Variants in PCDH11X observed in about 807,000 individuals in gnomAD.
PCDH11X encodes the protein protocadherin-11 X-linked.
Under a neutral mutation model 53.3 loss-of-function variants are expected in PCDH11X, and 18 were observed. The observed-to-expected ratio is 0.34, with a 90% confidence interval of 0.23 to 0.50. The LOEUF (loss-of-function observed/expected upper bound fraction) is 0.50, where lower values mean the gene tolerates loss of function less well. PCDH11X is among the 20% of genes least tolerant of loss of function. The probability of loss-of-function intolerance (pLI) is 0.98; values close to 1 mark genes in which losing one functional copy is unlikely to be tolerated. For synonymous variants in PCDH11X, 279 were observed against 393.3 expected, an observed-to-expected ratio of 0.71 and a Z score of 3.44; for missense variants, 570 against 1,032.4, an observed-to-expected ratio of 0.55 and a Z score of 6.14.
chrX:91,925,627 TGAA>T (rs1259991679), intron 6 of PCDH11X, among the ~76,000 whole-genome samples: 1 of 110,810 alleles, frequency 9.0e-6, no homozygotes, highest in Non-Finnish European at 1.9e-5. Context: ...CTATGATAAT[TGAA>T]GAATGTTAAA....
intron 5 of PCDH11X, among the ~76,000 whole-genome samples, chrX:91,840,872 T>G (rs1937503337): frequency 9.2e-6 from 1 of 109,275 alleles, no homozygotes; most frequent in Admixed American, 9.9e-5. Flanking sequence ...TTACTTAGTT[T>G]ATTTGCCTCC....
chrX:92,495,894 C>A (rs765537940), intron 10 of PCDH11X, among the ~76,000 whole-genome samples: 1 of 105,304 alleles, frequency 9.5e-6, no homozygotes, highest in East Asian at 2.9e-4. Flanking sequence ...CCCACCGAGT[C>A]CCTCCCACAA....
intron 10 of PCDH11X, among the ~76,000 whole-genome samples, chrX:92,507,642 G>A (rs2074088220): frequency 1.8e-5 from 2 of 111,467 alleles, no homozygotes; most frequent in South Asian, 7.5e-4. Context: ...ATATGTGATT[G>A]ATACTGAAAG....
chrX:91,983,442 A>C (rs1286992916), intron 6 of PCDH11X: 1 of 639,983 alleles, frequency 1.6e-6, no homozygotes, highest in African/African-American at 2.2e-5. Flanking sequence ...CCAAATCCAT[A>C]GCCCTTAGTG....
At chrX:92,240,183 C>T (rs911232401) in intron 7 of PCDH11X, among the ~76,000 whole-genome samples, 2 of 111,367 alleles carry the variant, frequency 1.8e-5, no homozygotes, top group African/African-American at 3.3e-5. Flanking sequence ...TTCACAAATG[C>T]ACTAGTTGTT....
At chrX:91,998,261 C>G (rs1335838436) in intron 6 of PCDH11X, among the ~76,000 whole-genome samples, 1 of 109,735 alleles carries the variant, frequency 9.1e-6, no homozygotes. Context: ...ATAATTCTGT[C>G]TTGGTAAGTT....
intron 6 of PCDH11X, among the ~76,000 whole-genome samples, chrX:92,077,656 GGAAGGAAGGAA>G (rs1175604513): frequency 6.5e-5 from 7 of 106,911 alleles, no homozygotes; most frequent in African/African-American, 2.1e-4. Context: ...AAGGAAGGAA[GGAAGGAAGGAA>G]GGACAGACAT....
intron 6 of PCDH11X, among the ~76,000 whole-genome samples, chrX:91,934,514 G>A (rs2061423150): frequency 9.1e-6 from 1 of 109,922 alleles, no homozygotes; most frequent in Non-Finnish European, 1.9e-5. Flanking sequence ...TTTTTTTTCT[G>A]ACTGTAGTGA....
chrX:92,585,373 C>CT (rs1273543624), intron 10 of PCDH11X, among the ~76,000 whole-genome samples: 11,573 of 92,261 alleles, frequency 0.13, 1,065 homozygotes, highest in African/African-American at 0.28. Flanking sequence ...CTTTCTTTTT[C>CT]TTTTTTTTTT....
chrX:92,540,646 C>A (rs1261868824), intron 10 of PCDH11X, among the ~76,000 whole-genome samples: 1 of 105,562 alleles, frequency 9.5e-6, no homozygotes, highest in Non-Finnish European at 1.9e-5. Context: ...CTGTAGCCAG[C>A]ACCGCTGGGA....
At chrX:91,870,925 A>T (rs1939261811) in intron 5 of PCDH11X, among the ~76,000 whole-genome samples, 1 of 111,235 alleles carries the variant, frequency 9.0e-6, no homozygotes, top group South Asian at 3.8e-4. Flanking sequence ...ACTTGGTGAC[A>T]TTAGGGTTAT....
intron 6 of PCDH11X, among the ~76,000 whole-genome samples, chrX:92,196,047 A>G (rs2066287184): frequency 8.9e-6 from 1 of 112,053 alleles, no homozygotes; most frequent in African/African-American, 3.2e-5. Context: ...ACTCTGTGTA[A>G]CTTATAAGAA....
chrX:92,516,275 G>A (rs2074267587), intron 10 of PCDH11X, among the ~76,000 whole-genome samples: 1 of 111,163 alleles, frequency 9.0e-6, no homozygotes, highest in Non-Finnish European at 1.9e-5. Context: ...GGGAAAAGAT[G>A]ATGATTCTAA....
At chrX:92,065,988 T>C (rs184765680) in intron 6 of PCDH11X, among the ~76,000 whole-genome samples, 99 of 111,912 alleles carry the variant, frequency 8.8e-4, no homozygotes, top group African/African-American at 3.1e-3. Context: ...TTTCATAGTC[T>C]TAGATTTAAG....
chrX:92,189,697 C>A (rs1451769891), intron 6 of PCDH11X, among the ~76,000 whole-genome samples: 1 of 111,978 alleles, frequency 8.9e-6, no homozygotes, highest in Non-Finnish European at 1.9e-5. Flanking sequence ...TAAAAGCATT[C>A]CTTTTTCTGT....
intron 10 of PCDH11X, among the ~76,000 whole-genome samples, chrX:92,587,164 C>T (rs1444012401): frequency 9.1e-6 from 1 of 110,080 alleles, no homozygotes; most frequent in African/African-American, 3.3e-5. Flanking sequence ...CAGCTTAGAA[C>T]ATTAATCAAA....
At chrX:91,864,813 C>G (rs1938878443) in intron 5 of PCDH11X, among the ~76,000 whole-genome samples, 1 of 111,815 alleles carries the variant, frequency 8.9e-6, no homozygotes, top group Admixed American at 9.5e-5. Context: ...CTGACACATT[C>G]TTCAGTATAT....
Position 92,185,174 on chromosome X carries a change from G to A in PCDH11X, c.3034-16201G>A, listed in dbSNP as rs796859393. ...GGCAGGAGAATCACTTGAGACCAAG[G>A]GTTCGAGGCTGCAGTGAGCTATGAT... is the stretch of plus-strand genomic sequence containing the variant. On this transcript the variant is annotated intron_variant, in intron 6 of 10. Transcript: ENST00000682573. Among the ~76,000 whole-genome samples, 3 of 110,667 alleles carry A rather than the reference G, an allele frequency of 2.7e-5. No homozygotes were observed. In the East Asian group the frequency reaches 8.5e-4, roughly 31 times the overall value.
rs191886933 is a variant in PCDH11X, at chrX:92,131,679, G to C, written c.3034-69696G>C. 1.3e-4 allele frequency among the ~76,000 whole-genome samples: 14 copies of C among 111,244 alleles called. No homozygotes were observed. In the East Asian group the frequency reaches 3.7e-3, roughly 29 times the overall value. On this transcript the variant is annotated intron_variant, in intron 6 of 10. Transcript: ENST00000682573. The stretch of plus-strand genomic sequence containing the variant: ...TTAACTTCTTTTGATCTATAAGTAA[G>C]GTCTGAGTTCTGAAGATCTTCCTCT...
Sources: allele counts gnomAD v4.1 joint callset (sites outside exome capture counted in the v4.1 genomes callset), GRCh38; gene constraint gnomAD v4.1.1; transcripts MANE v1.5; gene names NCBI Gene and HGNC (gene_info 2026-07-23, HGNC 2026-07-21).